The following ITGA1 variants were observed in gnomAD, a reference collection of about 807,000 sequenced individuals.
ITGA1 encodes integrin subunit alpha 1, also known as integrin alpha-1.
A neutral mutation model predicts 145.9 loss-of-function variants in ITGA1; 85 were observed. That is an observed-to-expected ratio of 0.58 (90% CI 0.49 to 0.70). The LOEUF (loss-of-function observed/expected upper bound fraction) is 0.70, where lower values mean the gene tolerates loss of function less well. Ranked by LOEUF, ITGA1 falls within the 30% of genes least tolerant of loss-of-function variation. The pLI, the probability that ITGA1 is intolerant of heterozygous loss-of-function variation, is 0.00. For missense variants in ITGA1, 1,351 were observed against 1,418.7 expected (o/e 0.95, Z 0.77); for synonymous variants, 520 against 495.3 (o/e 1.05, Z -0.66).
rs993691858 is a variant in ITGA1, at chr5:52,825,928, A to T, written c.62-23437A>T. On this transcript the variant is annotated intron_variant, in intron 1 of 28. Coordinates refer to ENST00000282588, the MANE Select transcript of ITGA1 (RefSeq NM_181501.2). ...GTGAGACTCTGTCAAAGAAAAAAAA[A>T]AAAAAAAGGAAAGAAGTTAGTCTAA... Among the ~76,000 whole-genome samples the T allele has an allele frequency of 2.2e-4, 34 of 152,064 alleles. 1 individual carries two copies. The highest frequency in any genetic ancestry group is 4.0e-4 in the Non-Finnish European group (27 of 68,000).
intron 1 of ITGA1, chr5:52,800,878 A>G (rs753877060): frequency 1.4e-5 from 22 of 1,612,338 alleles, no homozygotes. Flanking sequence ...CACTCGGGCC[A>G]AGGTGGAGGT....
rs1251627264 is a variant in ITGA1, at chr5:52,958,632, T to G, written c.*6181T>G. Reference sequence around the variant, plus strand: ...AGGAAAAATTGGCCTGTAAGGAGAATGGTATACTGCGTATTACTACTGTGA... The same window carrying G: ...AGGAAAAATTGGCCTGTAAGGAGAAGGGTATACTGCGTATTACTACTGTGA... On this transcript the variant is annotated 3_prime_UTR_variant, in exon 29 of 29. Transcript: ENST00000282588. 1 of 152,218 alleles carries G rather than the reference T, an allele frequency of 6.6e-6. No individual in the cohort carries two copies. Among genetic ancestry groups the G allele is most frequent in the Non-Finnish European group, 1.5e-5 (1 of 68,038 alleles). 9.4% of individuals were successfully genotyped at this position (152,218 alleles called of 1,614,324 possible). A position where few individuals can be genotyped will look rare whatever the true frequency, so the allele number is the denominator to read the frequency against.
In ITGA1 at chr5:52,858,370, C is replaced by G. The variant is rs541905756; in HGVS notation, c.183-3077C>G. 2.6e-4 allele frequency among the ~76,000 whole-genome samples: 40 copies of G among 152,308 alleles called. No homozygotes were observed. In the South Asian group the frequency reaches 7.1e-3, roughly 27 times the overall value. ...TGGCATTTATCAAAGGAGTGGTATT[C>G]TTACTTCTAAGACTTTGCTGAAGTT... On this transcript the variant is annotated intron_variant, in intron 2 of 28. Coordinates refer to ENST00000282588, the MANE Select transcript of ITGA1 (RefSeq NM_181501.2).
At chr5:52,875,855 G>A (rs1749858165) in intron 6 of ITGA1, among the ~76,000 whole-genome samples, 1 of 151,776 alleles carries the variant, frequency 6.6e-6, no homozygotes, top group Non-Finnish European at 1.5e-5. Context: ...CAACGTAATT[G>A]GCTACTTCAA....
At chr5:52,887,273 C>T (rs567829855) in intron 7 of ITGA1, among the ~76,000 whole-genome samples, 6 of 152,152 alleles carry the variant, frequency 3.9e-5, no homozygotes, top group Non-Finnish European at 5.9e-5. Context: ...GTCCCTATCC[C>T]CAGGACACTC....
intron 17 of ITGA1, among the ~76,000 whole-genome samples, chr5:52,920,912 C>G (rs984608939): frequency 3.3e-5 from 5 of 151,934 alleles, no homozygotes; most frequent in African/African-American, 1.2e-4. Flanking sequence ...AACTACATAT[C>G]TCGCCGTTTG....
At chr5:52,818,619 A>G (rs1748815589) in intron 1 of ITGA1, among the ~76,000 whole-genome samples, 1 of 152,158 alleles carries the variant, frequency 6.6e-6, no homozygotes, top group African/African-American at 2.4e-5. Context: ...CTTTTTCTCC[A>G]GGAAGAGATT....
chr5:52,836,242 A>T (rs1246724861), intron 1 of ITGA1, among the ~76,000 whole-genome samples: 1 of 152,198 alleles, frequency 6.6e-6, no homozygotes, highest in African/African-American at 2.4e-5. Flanking sequence ...TTTCAGTTCC[A>T]TGGTGAGGAT....
In ITGA1 at chr5:52,844,951, G is replaced by A. The variant is rs75777526; in HGVS notation, c.62-4414G>A. ...TCACTCCTTTAAATCAAAAGAACTGGATGTAAACTATTTTTTTATGTCATC... is the reference window on the plus strand; with the variant it reads ...TCACTCCTTTAAATCAAAAGAACTGAATGTAAACTATTTTTTTATGTCATC... On this transcript the variant is annotated intron_variant, in intron 1 of 28. Coordinates refer to ENST00000282588, the MANE Select transcript of ITGA1 (RefSeq NM_181501.2). Among the ~76,000 whole-genome samples the A allele has an allele frequency of 6.1e-3, 929 of 152,222 alleles. 12 individuals carry two copies. Among genetic ancestry groups the A allele is most frequent in the African/African-American group, 0.021 (891 of 41,528 alleles).
intron 1 of ITGA1, among the ~76,000 whole-genome samples, chr5:52,795,419 C>T (rs537232349): frequency 6.6e-6 from 1 of 151,950 alleles, no homozygotes; most frequent in Admixed American, 6.5e-5. Context: ...TTAAGGGTCA[C>T]AAGCTAAGCA....
At chr5:52,922,139 A>G (rs2111874354) in intron 17 of ITGA1, among the ~76,000 whole-genome samples, 2 of 152,126 alleles carry the variant, frequency 1.3e-5, no homozygotes, top group South Asian at 2.1e-4. Flanking sequence ...CGTCTCTACT[A>G]AAAACACAAA....
chr5:52,958,563 C>A lies in ITGA1; in HGVS notation c.*6112C>A, dbSNP rs901649749. On this transcript the variant is annotated 3_prime_UTR_variant, in exon 29 of 29. Coordinates refer to ENST00000282588, the MANE Select transcript of ITGA1 (RefSeq NM_181501.2). ...ATTTACTGTTTTATTTCTGATATTG[C>A]CTGCCATTACTCAGGATGCAAGAGA... is the stretch of plus-strand genomic sequence containing the variant. 4 of 152,136 alleles carry A rather than the reference C, an allele frequency of 2.6e-5. No homozygotes were observed. Among genetic ancestry groups the A allele is most frequent in the African/African-American group, 9.7e-5 (4 of 41,410 alleles). The allele number at this position is 152,136 out of a possible 1,614,324, so 9.4% of individuals were successfully genotyped here.
chr5:52,842,103 C>G (rs1749263417), intron 1 of ITGA1, among the ~76,000 whole-genome samples: 2 of 152,086 alleles, frequency 1.3e-5, no homozygotes, highest in South Asian at 4.1e-4. Context: ...ACTTGCAACC[C>G]TTAAAATAGG....
At chr5:52,862,163 A>G (rs927634303) in intron 3 of ITGA1, among the ~76,000 whole-genome samples, 2 of 151,084 alleles carry the variant, frequency 1.3e-5, no homozygotes, top group African/African-American at 4.9e-5. Flanking sequence ...GGTTGTGTTA[A>G]GGCAACATCA....
At chr5:52,819,871 G>A (rs1261816336) in intron 1 of ITGA1, among the ~76,000 whole-genome samples, 1 of 152,146 alleles carries the variant, frequency 6.6e-6, no homozygotes, top group Non-Finnish European at 1.5e-5. Flanking sequence ...CATATGGCTA[G>A]CCAGTTTTCC....
intron 8 of ITGA1, chr5:52,889,952 G>C (rs1750118166): frequency 6.7e-6 from 1 of 150,190 alleles, no homozygotes; most frequent in African/African-American, 2.4e-5. Context: ...TTATTTTTTG[G>C]ATTCCAGGAG....
intron 14 of ITGA1, among the ~76,000 whole-genome samples, chr5:52,911,010 A>G (rs62651791): frequency 6.1e-5 from 1 of 16,360 alleles, no homozygotes; most frequent in Non-Finnish European, 1.1e-4. Context: ...TGTATACTGT[A>G]TATACTATAT....
chr5:52,854,219 G>T (rs556577181), intron 2 of ITGA1, among the ~76,000 whole-genome samples: 1 of 152,068 alleles, frequency 6.6e-6, no homozygotes, highest in Non-Finnish European at 1.5e-5. Context: ...GTACCAATGG[G>T]CTCATGTGAT....
intron 11 of ITGA1, chr5:52,905,506 A>G (rs1045300143): frequency 1.8e-5 from 5 of 274,000 alleles, no homozygotes; most frequent in South Asian, 1.0e-4. Context: ...CATCATTGTT[A>G]TATCATTTGT....
Sources: gnomAD v4.1 joint callset for allele counts (sites outside exome capture counted in the v4.1 genomes callset) on GRCh38, gnomAD v4.1.1 for gene constraint, MANE v1.5 for transcripts, NCBI Gene and HGNC (gene_info 2026-07-23, HGNC 2026-07-21) for gene names.